Variants in PLXNC1 observed in about 807,000 individuals in gnomAD.
PLXNC1 encodes the protein plexin C1.
A neutral mutation model predicts 178.2 loss-of-function variants in PLXNC1; 75 were observed. The observed-to-expected ratio is 0.42, with a 90% confidence interval of 0.35 to 0.51. The LOEUF is 0.51. PLXNC1 is among the 20% of genes least tolerant of loss of function. The pLI is 0.02. For missense variants in PLXNC1, 1,503 were observed against 1,984.4 expected (o/e 0.76, Z 4.61); for synonymous variants, 790 against 779.9 (o/e 1.01, Z -0.22).
intron 1 of PLXNC1, among the ~76,000 whole-genome samples, chr12:94,152,472 C>A (rs929560073): frequency 6.6e-6 from 1 of 152,198 alleles, no homozygotes; most frequent in South Asian, 2.1e-4. Flanking sequence ...GATCAGTGTG[C>A]CCCTGGCTGT....
chr12:94,153,368 T>A (rs1476114263), intron 1 of PLXNC1, among the ~76,000 whole-genome samples: 1 of 152,282 alleles, frequency 6.6e-6, no homozygotes, highest in African/African-American at 2.4e-5. Flanking sequence ...ATGCCTCTAA[T>A]CTTGGCTTGT....
chr12:94,227,941 A>T (rs1228048407), intron 9 of PLXNC1, among the ~76,000 whole-genome samples: 1 of 152,230 alleles, frequency 6.6e-6, no homozygotes, highest in African/African-American at 2.4e-5. Context: ...ACACAAAAAG[A>T]GGATAAGTCC....
chr12:94,184,992 C>T (rs1009164234), intron 3 of PLXNC1, among the ~76,000 whole-genome samples: 1 of 152,138 alleles, frequency 6.6e-6, no homozygotes, highest in Non-Finnish European at 1.5e-5. Context: ...ATAGCAGTAA[C>T]CAATACTTAT....
intron 14 of PLXNC1, 46 bp from the exon 15 acceptor site, chr12:94,251,380 C>A: frequency 1.8e-6 from 2 of 1,093,070 alleles, no homozygotes; most frequent in Non-Finnish European, 1.4e-6. Context: ...TAAATAAATA[C>A]AGTCCCCAAC....
chr12:94,174,048 G>A (rs935907293), intron 2 of PLXNC1, among the ~76,000 whole-genome samples: 1 of 152,150 alleles, frequency 6.6e-6, no homozygotes, highest in African/African-American at 2.4e-5. Flanking sequence ...GACTGCAGTA[G>A]GGTTCAGGAT....
At chr12:94,276,657 TA>T (rs1965985628) in intron 21 of PLXNC1, among the ~76,000 whole-genome samples, 1 of 152,196 alleles carries the variant, frequency 6.6e-6, no homozygotes, top group South Asian at 2.1e-4. Flanking sequence ...GGGATGGGAA[TA>T]ATAATCCAGG....
At position 94,165,992 on chromosome 12, in the gene PLXNC1, A is replaced by C. The variant is rs545341937; in HGVS notation, c.1063-3161A>C. Among the ~76,000 whole-genome samples, 108 of 152,166 alleles carry C rather than the reference A, an allele frequency of 7.1e-4. 2 individuals are homozygous for C. The highest frequency in any genetic ancestry group is 6.8e-3 in the Middle Eastern group (2 of 294). Reference sequence around the variant, plus strand: ...GTGGACTTCTCACATCTCCCTGCCCAGGACTGGGCCACATGACCACCCTCA... The same window carrying C: ...GTGGACTTCTCACATCTCCCTGCCCCGGACTGGGCCACATGACCACCCTCA... On this transcript the variant is annotated intron_variant, in intron 1 of 30. Transcript: ENST00000258526.
At chr12:94,299,664 A>G (rs1388815485) in intron 27 of PLXNC1, among the ~76,000 whole-genome samples, 1 of 151,908 alleles carries the variant, frequency 6.6e-6, no homozygotes, top group Non-Finnish European at 1.5e-5. Flanking sequence ...GGCTCAAGCA[A>G]TTCTCCCACC....
At chr12:94,249,360 G>A (rs1964614485) in intron 14 of PLXNC1, among the ~76,000 whole-genome samples, 5 of 152,080 alleles carry the variant, frequency 3.3e-5, no homozygotes, top group Admixed American at 3.3e-4. Flanking sequence ...AGTCACCCAA[G>A]TAGCTGGGAT....
intron 3 of PLXNC1, among the ~76,000 whole-genome samples, chr12:94,183,978 T>C (rs1962417608): frequency 1.3e-5 from 2 of 152,124 alleles, no homozygotes; most frequent in African/African-American, 4.8e-5. Context: ...TAATAAGCTA[T>C]GGGATATCCA....
chr12:94,273,772 A>G (rs1965732226), intron 21 of PLXNC1, among the ~76,000 whole-genome samples: 1 of 152,232 alleles, frequency 6.6e-6, no homozygotes, highest in Admixed American at 6.5e-5. Flanking sequence ...CTACCTCAGC[A>G]TCCACAAAAT....
chr12:94,248,553 G>C, intron 14 of PLXNC1, 141 bp downstream of exon 14: 1 of 705,644 alleles, frequency 1.4e-6, no homozygotes. Context: ...CTGGTACTGC[G>C]AGCCCAAGCA....
At chr12:94,209,443 TCTCG>T in intron 4 of PLXNC1, 143 bp from the exon 5 acceptor site, 1 of 618,350 alleles carries the variant, frequency 1.6e-6, no homozygotes, top group African/African-American at 1.8e-5. Flanking sequence ...ATGTTCCTAT[TCTCG>T]CTCAAATCAA....
In PLXNC1 at chr12:94,248,219, C is replaced by T. The variant is rs1358553059; in HGVS notation, c.2593-8C>T. 5 of 1,606,262 alleles carry T rather than the reference C, an allele frequency of 3.1e-6. No individual in the cohort carries two copies. In the Admixed American group the frequency reaches 6.8e-5, roughly 22 times the overall value. On this transcript the variant is annotated splice_region_variant and splice_polypyrimidine_tract_variant and intron_variant, in intron 13 of 30. Transcript: ENST00000258526. ...CTGATTTCTCCATCTTCATTTTGTTCTTTACAGAAAGAAAATGACAACTTC... is the reference window on the plus strand; with the variant it reads ...CTGATTTCTCCATCTTCATTTTGTTTTTTACAGAAAGAAAATGACAACTTC...
At chr12:94,169,064 A>G (rs114145487) in intron 1 of PLXNC1, 89 bp from the exon 2 acceptor site, 1 of 1,195,590 alleles carries the variant, frequency 8.4e-7, no homozygotes, top group Non-Finnish European at 1.2e-6. Flanking sequence ...CCTGCCTAGG[A>G]GGGCATGAGT....
chr12:94,285,731 A>G (rs1377142651), intron 23 of PLXNC1, among the ~76,000 whole-genome samples: 1 of 152,140 alleles, frequency 6.6e-6, no homozygotes, highest in Admixed American at 6.5e-5. Flanking sequence ...AGTGCTTATC[A>G]TGGCATCAGT....
intron 1 of PLXNC1, 107 bp from the exon 2 acceptor site, chr12:94,169,046 A>C: frequency 1.0e-6 from 1 of 995,620 alleles, no homozygotes; most frequent in Non-Finnish European, 1.5e-6. Flanking sequence ...GGGGCCCAGA[A>C]GTGAGATCCT....
intron 16 of PLXNC1, 62 bp from the exon 17 acceptor site, chr12:94,255,131 G>A: frequency 7.8e-7 from 1 of 1,274,850 alleles, no homozygotes; most frequent in Non-Finnish European, 1.1e-6. Flanking sequence ...AGACAAAACA[G>A]CAGAAGATCC....
intron 24 of PLXNC1, among the ~76,000 whole-genome samples, chr12:94,296,160 GTCTC>G (rs1265696575): frequency 6.6e-6 from 1 of 151,774 alleles, no homozygotes; most frequent in Non-Finnish European, 1.5e-5. Context: ...AGATGTGCTC[GTCTC>G]TCTCATCTTT....
Sources: gnomAD v4.1 joint callset for allele counts (sites outside exome capture counted in the v4.1 genomes callset) on GRCh38, gnomAD v4.1.1 for gene constraint, MANE v1.5 for transcripts, NCBI Gene and HGNC (gene_info 2026-07-23, HGNC 2026-07-21) for gene names.